Variants in LITAF observed in about 807,000 individuals in gnomAD.
LITAF encodes lipopolysaccharide induced TNF factor, also known as lipopolysaccharide-induced tumor necrosis factor-alpha factor.
A neutral mutation model predicts 14.5 loss-of-function variants in LITAF; 9 were observed. The ratio of observed to expected loss-of-function variants is 0.62; its 90% CI spans 0.37 to 1.08. The LOEUF (loss-of-function observed/expected upper bound fraction) is 1.08, where lower values mean the gene tolerates loss of function less well. Among genes scored for constraint, LITAF ranks in the 50% least tolerant of loss-of-function variants. The pLI is 0.01. For missense variants in LITAF, 206 were observed against 213.4 expected, an observed-to-expected ratio of 0.97 and a Z score of 0.22; for synonymous variants, 98 against 88.2, an observed-to-expected ratio of 1.11 and a Z score of -0.62.
rs1476123052 is a variant in LITAF, at chr16:11,548,455, C to T, written c.*1182G>A. ...GGTACCCAGACATGCTCAAAATGTGCTTTCCCTTATCTTTCAAAACCCACC... is the reference window on the plus strand; with the variant it reads ...GGTACCCAGACATGCTCAAAATGTGTTTTCCCTTATCTTTCAAAACCCACC... On this transcript the variant is annotated 3_prime_UTR_variant, in exon 4 of 4. Coordinates refer to ENST00000622633, the MANE Select transcript of LITAF (RefSeq NM_001136472.2). 2 of 454,046 alleles carry T rather than the reference C, an allele frequency of 4.4e-6. No homozygotes were observed. The highest frequency in any genetic ancestry group is 2.3e-5 in the Admixed American group (1 of 42,554). 28.1% of individuals were successfully genotyped at this position (454,046 alleles called of 1,614,324 possible).
At chr16:11,561,151 C>T (rs573012001) in intron 1 of LITAF, 2 of 152,322 alleles carry the variant, frequency 1.3e-5, no homozygotes, top group African/African-American at 4.8e-5. Flanking sequence ...CTTACAAGAC[C>T]AGGAAAAGCC....
upstream of LITAF, among the ~76,000 whole-genome samples, chr16:11,600,207 T>A (rs548785048): frequency 6.6e-6 from 1 of 152,314 alleles, no homozygotes; most frequent in Non-Finnish European, 1.5e-5. The surrounding 1 kb of genome is among the most constrained non-coding windows in gnomAD (Gnocchi z 4.1). Context: ...TCTCTCTGTG[T>A]TGCCCAGGCT....
intron 3 of LITAF, among the ~76,000 whole-genome samples, chr16:11,615,914 C>T (rs2065016884): frequency 6.6e-6 from 1 of 152,148 alleles, no homozygotes; most frequent in Admixed American, 6.6e-5. Flanking sequence ...AGGTTCAGTT[C>T]ACCCACTCCT....
chr16:11,587,725 G>T (rs1007568541), upstream of LITAF, among the ~76,000 whole-genome samples: 3 of 152,098 alleles, frequency 2.0e-5, no homozygotes, highest in Non-Finnish European at 4.4e-5. Context: ...CCATCTGCCC[G>T]TCTGCTTGGA....
At chr16:11,630,748 TTTTTA>T (rs2065113544) in intron 3 of LITAF, among the ~76,000 whole-genome samples, 1 of 151,780 alleles carries the variant, frequency 6.6e-6, no homozygotes, top group Non-Finnish European at 1.5e-5. Context: ...CCAGATAATG[TTTTTA>T]TTTTATTTTT....
intron 1 of LITAF, chr16:11,561,200 G>A (rs1019550094): frequency 2.0e-5 from 3 of 152,240 alleles, no homozygotes; most frequent in Non-Finnish European, 4.4e-5. Flanking sequence ...GGTTGGTCGT[G>A]ATTGCCAATG....
intron 3 of LITAF, among the ~76,000 whole-genome samples, chr16:11,608,938 G>T (rs554816588): frequency 6.6e-6 from 1 of 151,080 alleles, no homozygotes; most frequent in Non-Finnish European, 1.5e-5. Flanking sequence ...GACAGAGTGA[G>T]ACTCTGTCTC....
upstream of LITAF, among the ~76,000 whole-genome samples, chr16:11,639,552 G>A (rs940299052): frequency 1.1e-4 from 16 of 151,866 alleles, no homozygotes; most frequent in African/African-American, 2.2e-4. Flanking sequence ...GGTATTCCCC[G>A]TATAGTTCTT....
At chr16:11,625,660 G>A (rs971399462) in intron 3 of LITAF, among the ~76,000 whole-genome samples, 5 of 152,268 alleles carry the variant, frequency 3.3e-5, no homozygotes, top group Admixed American at 3.3e-4. Flanking sequence ...AGTTCCCCTA[G>A]GTTGTGTGCT....
At chr16:11,600,714 T>C (rs893462042), upstream of LITAF, among the ~76,000 whole-genome samples, 3 of 152,136 alleles carry the variant, frequency 2.0e-5, no homozygotes, top group African/African-American at 7.2e-5. This position sits in a 1 kb window ranked among gnomAD's most constrained non-coding sequence, Gnocchi z 4.1. Flanking sequence ...ACACTCCCCA[T>C]TCTGAGTCCA....
chr16:11,619,881 T>G (rs1224930610), intron 3 of LITAF, among the ~76,000 whole-genome samples: 1 of 152,020 alleles, frequency 6.6e-6, no homozygotes, highest in East Asian at 1.9e-4. Context: ...TGAAATGTAA[T>G]CTGCGGACGG....
At chr16:11,571,825 C>T (rs1364263990) in intron 1 of LITAF, among the ~76,000 whole-genome samples, 1 of 152,148 alleles carries the variant, frequency 6.6e-6, no homozygotes. Context: ...TTTCCAAGCA[C>T]GGTGGCTCAT....
intron 1 of LITAF, among the ~76,000 whole-genome samples, chr16:11,570,107 C>T (rs2064519149): frequency 6.6e-6 from 1 of 151,998 alleles, no homozygotes; most frequent in South Asian, 2.1e-4. Context: ...AAGACCCAGG[C>T]TCCTTGGTTC....
chr16:11,566,691 G>A (rs751308959), intron 1 of LITAF, among the ~76,000 whole-genome samples: 2 of 152,100 alleles, frequency 1.3e-5, no homozygotes, highest in African/African-American at 2.4e-5. Flanking sequence ...TCGATCACTT[G>A]AGCCCAGGAG....
At chr16:11,581,616 C>G (rs895616356) in intron 1 of LITAF, among the ~76,000 whole-genome samples, 1 of 151,960 alleles carries the variant, frequency 6.6e-6, no homozygotes, top group African/African-American at 2.4e-5. Flanking sequence ...AAGGCCCTAT[C>G]TCAAAAAATA....
chr16:11,623,795 C>T (rs184637819), intron 3 of LITAF, among the ~76,000 whole-genome samples: 3 of 151,970 alleles, frequency 2.0e-5, no homozygotes, highest in East Asian at 1.9e-4. Flanking sequence ...GGTGAAACCC[C>T]GTCTCTACTA....
upstream of LITAF, among the ~76,000 whole-genome samples, chr16:11,600,096 C>G (rs2064918012): frequency 6.6e-6 from 1 of 152,152 alleles, no homozygotes; most frequent in Admixed American, 6.5e-5. The surrounding 1 kb of genome is among the most constrained non-coding windows in gnomAD (Gnocchi z 4.1). Context: ...CTCCTAGGCT[C>G]AAGCAATCCT....
At chr16:11,616,799 C>A (rs1289290963) in intron 3 of LITAF, among the ~76,000 whole-genome samples, 2 of 151,180 alleles carry the variant, frequency 1.3e-5, no homozygotes, top group African/African-American at 4.9e-5. Context: ...GTGGTCCCAA[C>A]TACTCAGGAG....
chr16:11,612,638 C>A (rs893359586), intron 3 of LITAF, among the ~76,000 whole-genome samples: 1 of 152,210 alleles, frequency 6.6e-6, no homozygotes, highest in Non-Finnish European at 1.5e-5. Flanking sequence ...GGAGCCCTCG[C>A]AGAGACAGCA....
Sources: gnomAD v4.1 joint callset for allele counts (sites outside exome capture counted in the v4.1 genomes callset) on GRCh38, gnomAD v4.1.1 for gene constraint, Gnocchi (gnomAD v3.1) non-coding constraint, MANE v1.5 for transcripts, NCBI Gene and HGNC (gene_info 2026-07-23, HGNC 2026-07-21) for gene names.